ANTXR1: variants seen among roughly 807,000 people sequenced by gnomAD.
ANTXR1 encodes ANTXR cell adhesion molecule 1.
A neutral mutation model predicts 78.1 loss-of-function variants in ANTXR1; 19 were observed. That is an observed-to-expected ratio of 0.24 (90% CI 0.17 to 0.36). The LOEUF (loss-of-function observed/expected upper bound fraction) is 0.36, where lower values mean the gene tolerates loss of function less well. ANTXR1 is among the 10% of genes least tolerant of loss of function. The probability of loss-of-function intolerance (pLI) is 1.00; values close to 1 mark genes in which losing one functional copy is unlikely to be tolerated. For missense variants in ANTXR1, 518 were observed against 718.6 expected, an observed-to-expected ratio of 0.72 and a Z score of 3.19; for synonymous variants, 273 against 260.5, an observed-to-expected ratio of 1.05 and a Z score of -0.46.
intron 3 of ANTXR1, among the ~76,000 whole-genome samples, chr2:69,059,350 A>G (rs779876392): frequency 6.6e-5 from 10 of 152,202 alleles, no homozygotes; most frequent in Non-Finnish European, 1.5e-4. Context: ...TTCAGCAACC[A>G]TCACTCTGAT....
chr2:69,074,915 A>G (rs1329273761), intron 6 of ANTXR1, among the ~76,000 whole-genome samples: 3 of 152,188 alleles, frequency 2.0e-5, no homozygotes, highest in African/African-American at 4.8e-5. Flanking sequence ...GACTTTAATA[A>G]ATCAAATATT....
intron 8 of ANTXR1, among the ~76,000 whole-genome samples, chr2:69,079,952 A>G (rs144961892): frequency 3.9e-5 from 6 of 152,354 alleles, no homozygotes; most frequent in Admixed American, 6.5e-5. Flanking sequence ...CATGAGCCCA[A>G]ATGTTTGTAA....
chr2:69,246,258 G>GGTACT lies in ANTXR1; in HGVS notation c.*773_*774insGTACT. On this transcript the variant is annotated 3_prime_UTR_variant, in exon 18 of 18. Transcript: ENST00000303714. Reference sequence around the variant, plus strand: ...ACCCACAGGCCATCAGCAGCTAGAGGTGGCTGGCTTTGGCCAGACATGGAC... The same window carrying GGTACT: ...ACCCACAGGCCATCAGCAGCTAGAGGGTACTTGGCTGGCTTTGGCCAGACATGGAC... The GGTACT allele has an allele frequency of 6.6e-6, 1 of 152,328 alleles. No individual in the cohort carries two copies. The allele number at this position is 152,328 out of a possible 1,614,324, so 9.4% of individuals were successfully genotyped here.
intron 3 of ANTXR1, among the ~76,000 whole-genome samples, chr2:69,067,408 G>C (rs1174874239): frequency 6.9e-6 from 1 of 145,304 alleles, no homozygotes; most frequent in Non-Finnish European, 1.5e-5. Flanking sequence ...AAAAAATACA[G>C]TGAAGCCAAG....
At chr2:69,058,632 T>C (rs561855933) in intron 3 of ANTXR1, among the ~76,000 whole-genome samples, 1 of 152,332 alleles carries the variant, frequency 6.6e-6, no homozygotes, top group African/African-American at 2.4e-5. Flanking sequence ...ATTAATGTCA[T>C]TTTCATGCCT....
chr2:69,058,807 G>A (rs1020217007), intron 3 of ANTXR1, among the ~76,000 whole-genome samples: 19 of 152,214 alleles, frequency 1.2e-4, no homozygotes, highest in African/African-American at 4.3e-4. Flanking sequence ...CACCATTGTA[G>A]ATGCCATTAA....
intron 8 of ANTXR1, 143 bp downstream of exon 8, chr2:69,077,631 C>T (rs933524120): frequency 2.3e-6 from 2 of 863,788 alleles, no homozygotes; most frequent in African/African-American, 1.7e-5. Flanking sequence ...TTGTGTCTGC[C>T]ACGTCCCATC....
intron 9 of ANTXR1, among the ~76,000 whole-genome samples, chr2:69,101,724 T>C: frequency 6.6e-6 from 1 of 152,256 alleles, no homozygotes; most frequent in East Asian, 1.9e-4. Context: ...CAATGTACTG[T>C]GTAAGATCCA....
At chr2:69,119,786 C>T (rs1338713821) in intron 10 of ANTXR1, among the ~76,000 whole-genome samples, 1 of 152,240 alleles carries the variant, frequency 6.6e-6, no homozygotes, top group African/African-American at 2.4e-5. Flanking sequence ...TGCCTGGGTG[C>T]AGATCCAAGC....
At chr2:69,214,711 G>T (rs188918237) in intron 17 of ANTXR1, among the ~76,000 whole-genome samples, 1 of 152,302 alleles carries the variant, frequency 6.6e-6, no homozygotes, top group South Asian at 2.1e-4. Context: ...GCAGAGGTAG[G>T]AGAAAAAGTA....
chr2:69,171,421 A>G (rs995469789), intron 14 of ANTXR1, among the ~76,000 whole-genome samples: 2 of 152,258 alleles, frequency 1.3e-5, no homozygotes, highest in African/African-American at 4.8e-5. Flanking sequence ...AAGAGAAAGT[A>G]CCGTGGCTAG....
chr2:69,056,787 C>T (rs547473679), intron 3 of ANTXR1, among the ~76,000 whole-genome samples: 1 of 152,142 alleles, frequency 6.6e-6, no homozygotes, highest in Non-Finnish European at 1.5e-5. Flanking sequence ...AATTCTCATG[C>T]CTCAGCCTCC....
chr2:69,056,841 A>T (rs1422414572), intron 3 of ANTXR1, among the ~76,000 whole-genome samples: 1 of 151,724 alleles, frequency 6.6e-6, no homozygotes, highest in Non-Finnish European at 1.5e-5. Flanking sequence ...GCCCAGCTAA[A>T]TTTTTTTATT....
intron 12 of ANTXR1, among the ~76,000 whole-genome samples, chr2:69,139,040 C>T (rs112424964): frequency 4.3e-4 from 65 of 152,312 alleles, no homozygotes; most frequent in African/African-American, 1.5e-3. Context: ...CCAGTTAGCT[C>T]CTACCTACTG....
chr2:69,238,365 C>T (rs544101343), intron 17 of ANTXR1, among the ~76,000 whole-genome samples: 7 of 152,190 alleles, frequency 4.6e-5, no homozygotes, highest in Non-Finnish European at 8.8e-5. Flanking sequence ...ATACTGTCTG[C>T]AGCACCTTTG....
In ANTXR1 at chr2:69,248,205, T is replaced by G. The variant is rs1229526906; in HGVS notation, c.*2720T>G. The G allele has an allele frequency of 1.3e-5, 2 of 154,170 alleles. No homozygotes were observed. The highest frequency in any genetic ancestry group is 6.4e-5 in the African/African-American group (2 of 31,492). 9.6% of individuals were successfully genotyped at this position (154,170 alleles called of 1,614,324 possible). A position where few individuals can be genotyped will look rare whatever the true frequency, so the allele number is the denominator to read the frequency against. ...TTCAGCCCCCGTGTTATTGTCCTTT[T>G]GAACTGTTTTTTTTTTTATTAAAGC... is the stretch of plus-strand genomic sequence containing the variant. On this transcript the variant is annotated 3_prime_UTR_variant, in exon 18 of 18. Transcript: ENST00000303714.
At chr2:69,217,007 T>C (rs963101711) in intron 17 of ANTXR1, among the ~76,000 whole-genome samples, 6 of 152,336 alleles carry the variant, frequency 3.9e-5, no homozygotes, top group South Asian at 2.1e-4. Context: ...AGACACTGTG[T>C]GAACTGATCT....
intron 10 of ANTXR1, among the ~76,000 whole-genome samples, chr2:69,114,311 A>G (rs1315626745): frequency 6.6e-6 from 1 of 152,238 alleles, no homozygotes; most frequent in East Asian, 1.9e-4. Flanking sequence ...AATAATTTAC[A>G]TCCTGAGAAG....
At chr2:69,203,469 C>T (rs1674822280) in intron 17 of ANTXR1, among the ~76,000 whole-genome samples, 1 of 152,152 alleles carries the variant, frequency 6.6e-6, no homozygotes, top group Admixed American at 6.5e-5. Context: ...ACCAACTGTA[C>T]CCAAAACCTG....
Sources: allele counts gnomAD v4.1 joint callset (sites outside exome capture counted in the v4.1 genomes callset), GRCh38; gene constraint gnomAD v4.1.1; transcripts MANE v1.5; gene names NCBI Gene and HGNC (gene_info 2026-07-23, HGNC 2026-07-21).